The following SCFD2 variants were observed in gnomAD, a reference collection of about 807,000 sequenced individuals.
SCFD2 encodes sec1 family domain containing 2, also known as sec1 family domain-containing protein 2.
Under a neutral mutation model 58.9 loss-of-function variants are expected in SCFD2, and 54 were observed. The ratio of observed to expected loss-of-function variants is 0.92; its 90% CI spans 0.74 to 1.15. SCFD2 has a LOEUF of 1.15. Ranked by LOEUF, SCFD2 falls within the 50% of genes most tolerant of loss-of-function variation. The pLI is 0.00. For synonymous variants in SCFD2, 321 were observed against 335.9 expected, an observed-to-expected ratio of 0.96 and a Z score of 0.49; for missense variants, 805 against 836.6, an observed-to-expected ratio of 0.96 and a Z score of 0.47.
chr4:52,904,653 T>C (rs1418755253), intron 7 of SCFD2, among the ~76,000 whole-genome samples: 2 of 152,106 alleles, frequency 1.3e-5, no homozygotes, highest in East Asian at 3.8e-4. Context: ...GGATAGATAC[T>C]GGAAAGGCAG....
chr4:53,138,649 G>A (rs1726013467), intron 5 of SCFD2, among the ~76,000 whole-genome samples: 1 of 152,170 alleles, frequency 6.6e-6, no homozygotes, highest in Non-Finnish European at 1.5e-5. Context: ...CACCACGCTA[G>A]AAATCTCCTC....
chr4:53,248,873 C>T (rs574162392), intron 4 of SCFD2, among the ~76,000 whole-genome samples: 40 of 152,182 alleles, frequency 2.6e-4, no homozygotes, highest in Non-Finnish European at 4.6e-4. Context: ...AACAGAAAAA[C>T]TCGAAATTCT....
At chr4:53,317,311 ATT>A (rs1442070491) in intron 2 of SCFD2, among the ~76,000 whole-genome samples, 1 of 151,792 alleles carries the variant, frequency 6.6e-6, no homozygotes, top group African/African-American at 2.4e-5. Flanking sequence ...ACTTACTGGT[ATT>A]TTTTTTGTCT....
intron 5 of SCFD2, among the ~76,000 whole-genome samples, chr4:53,040,223 A>C (rs1422896103): frequency 6.6e-6 from 1 of 152,166 alleles, no homozygotes; most frequent in Non-Finnish European, 1.5e-5. Flanking sequence ...TAATGTTATC[A>C]AATGAAGCAA....
intron 4 of SCFD2, among the ~76,000 whole-genome samples, chr4:53,258,977 G>A (rs2149051572): frequency 6.6e-6 from 1 of 152,226 alleles, no homozygotes. Context: ...GATAATTTGT[G>A]ATGTTGAGCA....
chr4:53,270,108 G>A (rs879265434), intron 4 of SCFD2, among the ~76,000 whole-genome samples: 9 of 152,062 alleles, frequency 5.9e-5, no homozygotes, highest in African/African-American at 9.7e-5. Context: ...TATATCCAGC[G>A]ATTTGTATGT....
At chr4:53,256,829 C>T (rs963116857) in intron 4 of SCFD2, among the ~76,000 whole-genome samples, 6 of 146,470 alleles carry the variant, frequency 4.1e-5, no homozygotes, top group Non-Finnish European at 7.5e-5. Context: ...AGTCCAGCTT[C>T]GGCTAGGCAT....
intron 3 of SCFD2, among the ~76,000 whole-genome samples, chr4:53,296,370 G>A (rs575257820): frequency 2.0e-4 from 30 of 152,260 alleles, no homozygotes; most frequent in East Asian, 9.6e-4. Flanking sequence ...TCTTGGGAGC[G>A]TGTATGTGTC....
At chr4:53,272,633 T>C (rs1407531914) in intron 4 of SCFD2, among the ~76,000 whole-genome samples, 3 of 143,520 alleles carry the variant, frequency 2.1e-5, no homozygotes, top group East Asian at 4.1e-4. Flanking sequence ...TTCTCACTCA[T>C]AGGTGGGAAT....
intron 2 of SCFD2, among the ~76,000 whole-genome samples, chr4:53,337,592 G>A (rs1733724005): frequency 1.3e-5 from 2 of 152,158 alleles, no homozygotes; most frequent in Admixed American, 6.5e-5. Flanking sequence ...GGAAAGGAAA[G>A]AGAAGTCACA....
At chr4:53,112,621 G>T (rs1228924310) in intron 5 of SCFD2, among the ~76,000 whole-genome samples, 1 of 152,090 alleles carries the variant, frequency 6.6e-6, no homozygotes, top group Non-Finnish European at 1.5e-5. Flanking sequence ...TAAGAGCACA[G>T]GTTTTAGAAC....
At chr4:53,363,921 T>A (rs1734625397) in intron 1 of SCFD2, among the ~76,000 whole-genome samples, 1 of 151,584 alleles carries the variant, frequency 6.6e-6, no homozygotes, top group Admixed American at 6.6e-5. Context: ...CTAACAGAAG[T>A]CTTAGGGGAG....
intron 2 of SCFD2, among the ~76,000 whole-genome samples, chr4:53,344,135 A>G (rs890431020): frequency 2.7e-4 from 41 of 151,878 alleles, no homozygotes; most frequent in African/African-American, 9.1e-4. Context: ...AGGATATTCA[A>G]TTAGGAAAAA....
intron 5 of SCFD2, among the ~76,000 whole-genome samples, chr4:52,934,778 A>G (rs1720093996): frequency 6.6e-6 from 1 of 152,258 alleles, no homozygotes; most frequent in Non-Finnish European, 1.5e-5. Flanking sequence ...TATTTATAAT[A>G]GTGAAAAACT....
intron 5 of SCFD2, among the ~76,000 whole-genome samples, chr4:53,078,345 C>G (rs1368922632): frequency 1.3e-5 from 2 of 152,134 alleles, no homozygotes; most frequent in Non-Finnish European, 2.9e-5. Flanking sequence ...ATTACTAAAG[C>G]ATTCATAGGC....
intron 5 of SCFD2, among the ~76,000 whole-genome samples, chr4:53,084,151 T>C (rs1724233282): frequency 1.3e-5 from 2 of 152,114 alleles, no homozygotes. Context: ...GACCAGGGCA[T>C]ATCTCAGTCC....
intron 5 of SCFD2, among the ~76,000 whole-genome samples, chr4:53,102,381 T>C (rs920722107): frequency 6.6e-6 from 1 of 152,086 alleles, no homozygotes; most frequent in Non-Finnish European, 1.5e-5. Context: ...AAAATCCAGA[T>C]GCAGTTTTTA....
chr4:53,035,184 T>A (rs1722723636), intron 5 of SCFD2, among the ~76,000 whole-genome samples: 1 of 152,130 alleles, frequency 6.6e-6, no homozygotes, highest in South Asian at 2.1e-4. Flanking sequence ...TCTACAACCA[T>A]CTGATCTTTG....
At chr4:53,331,962 C>T (rs1350548114) in intron 2 of SCFD2, among the ~76,000 whole-genome samples, 31 of 151,778 alleles carry the variant, frequency 2.0e-4, no homozygotes, top group Middle Eastern at 6.8e-3. Context: ...GAGAATACTA[C>T]AAACACCTCT....
Sources: allele counts gnomAD v4.1 joint callset (sites outside exome capture counted in the v4.1 genomes callset), GRCh38; gene constraint gnomAD v4.1.1; transcripts MANE v1.5; gene names NCBI Gene and HGNC (gene_info 2026-07-23, HGNC 2026-07-21).